The following DNAH17 variants were observed in gnomAD, a reference collection of about 807,000 sequenced individuals.
The protein encoded by DNAH17 is dynein axonemal heavy chain 17.
A neutral mutation model predicts 485.6 loss-of-function variants in DNAH17; 376 were observed. The observed-to-expected ratio is 0.77, with a 90% CI of 0.71 to 0.84. The LOEUF (loss-of-function observed/expected upper bound fraction) is 0.84. Ranked by LOEUF, DNAH17 falls within the 40% of genes least tolerant of loss-of-function variation. The pLI is 0.00. For missense variants in DNAH17, 6,370 were observed against 5,839.3 expected, an observed-to-expected ratio of 1.09 and a Z score of -2.96; for synonymous variants, 3,031 against 2,405.9, an observed-to-expected ratio of 1.26 and a Z score of -7.60.
intron 62 of DNAH17, among the ~76,000 whole-genome samples, chr17:78,457,390 AAAAC>A (rs1422119009): frequency 2.1e-5 from 3 of 143,542 alleles, no homozygotes; most frequent in African/African-American, 7.5e-5. Flanking sequence ...AAAACAAAAC[AAAAC>A]AAAAAAACAA....
At chr17:78,502,440 C>CA in intron 33 of DNAH17, 151 bp downstream of exon 33, 1 of 664,152 alleles carries the variant, frequency 1.5e-6, no homozygotes, top group East Asian at 2.9e-5. Context: ...TGTTATTTGG[C>CA]CTGTGGAAAC....
rs761965870 is a variant in DNAH17 at position 78,434,170 on chromosome 17, G to C, written c.12084C>G (p.Phe4028Leu). The C allele has an allele frequency of 6.2e-7, 1 of 1,613,370 alleles. No individual in the cohort carries two copies. Among genetic ancestry groups the C allele is most frequent in the African/African-American group, 1.3e-5 (1 of 74,936 alleles). ...TKEMEFKCML[F>L]ALCYFHAVVA... ...CCACAGCGTGGAAGTAGCACAGGGC[G>C]AAGAGCATGCACTTGAACTCCATCT... is the stretch of plus-strand genomic sequence containing the variant. The change falls in exon 75 of 81, where the codon TTC (phenylalanine) becomes TTG (leucine). Residue 4028 changes from phenylalanine (F) to leucine (L), a missense_variant. By Grantham distance (22) the Phe-to-Leu change is conservative. Transcript: ENST00000389840.
At chr17:78,527,553 C>T (rs1302136826) in intron 22 of DNAH17, among the ~76,000 whole-genome samples, 1 of 152,078 alleles carries the variant, frequency 6.6e-6, no homozygotes, top group Non-Finnish European at 1.5e-5. Flanking sequence ...TTTTATCCCA[C>T]GTATGGATTT....
rs751614400 is a variant in DNAH17 at position 78,460,251 on chromosome 17, T to C, written c.9346A>G (p.Thr3116Ala). The change falls in exon 59 of 81, where the codon ACT becomes GCT. Residue 3116 changes from threonine (T) to alanine (A), a missense_variant. Transcript: ENST00000389840. ...VKVEVINKNV[T>A]EKQKACETDL... is the part of the protein sequence containing the mutation. ...GTTTCACAGGCCTTTTGCTTCTCAG[T>C]GACGTTCTGGAAGGAAGATGGACAG... 2 of 1,598,944 alleles carry C rather than the reference T, an allele frequency of 1.3e-6. No individual in the cohort carries two copies. The highest frequency in any genetic ancestry group is 1.7e-6 in the Non-Finnish European group (2 of 1,171,958).
At chr17:78,540,503 GTGGGTGAC>G (rs1323221961) in intron 17 of DNAH17, among the ~76,000 whole-genome samples, 2 of 40,540 alleles carry the variant, frequency 4.9e-5, no homozygotes, top group African/African-American at 1.1e-4. Context: ...GGATGGGTGG[GTGGGTGAC>G]TGGGTGGGTG....
At chr17:78,429,412 CCTT>C in intron 75 of DNAH17, 112 bp from the exon 76 acceptor site, 2 of 1,172,658 alleles carry the variant, frequency 1.7e-6, no homozygotes, top group Non-Finnish European at 2.4e-6. Flanking sequence ...GGTGCTGTGT[CCTT>C]CTCGCCCTCC....
intron 16 of DNAH17, among the ~76,000 whole-genome samples, chr17:78,544,449 A>G (rs1442534192): frequency 6.6e-6 from 1 of 152,192 alleles, no homozygotes; most frequent in Admixed American, 6.5e-5. Context: ...AGGGTGGGAA[A>G]GGGTAGAGAG....
In DNAH17 at chr17:78,561,843, G is replaced by T. The variant is rs779373597; in HGVS notation, c.1707C>A (p.Ala569=). Residue 569 remains alanine, a synonymous_variant, in exon 12 of 81, where the codon GCC becomes GCA. Transcript: ENST00000389840. ...AKILYDAQMA[A]SEEGNIPLIH... ...TCAGGGGGATGTTCCCCTCCTCGGA[G>T]GCCGCCATCTGGGCATCGTACAAGA... The T allele has an allele frequency of 6.2e-7, 1 of 1,613,832 alleles. No individual in the cohort carries two copies. Among genetic ancestry groups the T allele is most frequent in the Non-Finnish European group, 8.5e-7 (1 of 1,179,882 alleles).
intron 54 of DNAH17, among the ~76,000 whole-genome samples, chr17:78,469,146 TTTTC>T (rs143424061): frequency 0.037 from 5,506 of 150,682 alleles, 304 homozygotes; most frequent in African/African-American, 0.12. Flanking sequence ...TTTTCTGTCT[TTTTC>T]TTTTTTTTTG....
At chr17:78,445,703 A>G (rs2087257044) in intron 69 of DNAH17, 23 bp from the exon 70 acceptor site, 5 of 1,586,512 alleles carry the variant, frequency 3.2e-6, no homozygotes, top group Non-Finnish European at 3.4e-6. Context: ...CGAGGTGTAC[A>G]CACTTAACGC....
intron 16 of DNAH17, among the ~76,000 whole-genome samples, chr17:78,545,422 T>C (rs1035031452): frequency 2.6e-5 from 4 of 152,170 alleles, no homozygotes; most frequent in African/African-American, 9.7e-5. Context: ...AAATCTGAGA[T>C]CAAGGTGCCG....
chr17:78,474,308 C>T lies in DNAH17; in HGVS notation c.8511+970G>A, dbSNP rs573186253. Among the ~76,000 whole-genome samples, 169 of 152,356 alleles carry T rather than the reference C, an allele frequency of 1.1e-3. 1 individual carries two copies. Among genetic ancestry groups the T allele is most frequent in the Non-Finnish European group, 1.9e-3 (132 of 68,028 alleles). On this transcript the variant is annotated intron_variant, in intron 54 of 80. Transcript: ENST00000389840. The stretch of plus-strand genomic sequence containing the variant: ...ACAGAGAAGGCATGGCCGTGTAGGA[C>T]GGCCCAATCGATTTCAGGTCTAATC...
intron 3 of DNAH17, 73 bp downstream of exon 3, chr17:78,572,628 G>A (rs2092375969): frequency 7.5e-6 from 10 of 1,341,194 alleles, no homozygotes; most frequent in Non-Finnish European, 1.0e-5. Context: ...GGGTGGAGTG[G>A]GGTGGGGGGT....
rs775351651 is a variant in DNAH17, at chr17:78,454,688, C to T, written c.10188G>A (p.Thr3396=). 1.3e-5 allele frequency: 21 copies of T among 1,612,188 alleles called. No homozygotes were observed. In the Middle Eastern group the frequency reaches 4.9e-4, roughly 38 times the overall value. ...GCAGGCTCAAGGGATCCAGGCCATTCGTGATCGGGATGGGGACCTGCCCAG... is the reference window on the plus strand; with the variant it reads ...GCAGGCTCAAGGGATCCAGGCCATTTGTGATCGGGATGGGGACCTGCCCAG... ...IHNLKVPIPI[T]NGLDPLSLLT... The change falls in exon 64 of 81, where the codon ACG becomes ACA. Residue 3396 remains threonine, a synonymous_variant. Transcript: ENST00000389840.
At chr17:78,484,756 A>ACCGCC (rs1200168937) in intron 48 of DNAH17, 112 bp downstream of exon 48, 3 of 242,582 alleles carry the variant, frequency 1.2e-5, no homozygotes, top group Admixed American at 1.5e-4. Context: ...CCACCGCCCC[A>ACCGCC]CACCAGTCCT....
chr17:78,441,244 G>A (rs976520498), intron 71 of DNAH17, 45 bp from the exon 72 acceptor site: 4 of 1,608,108 alleles, frequency 2.5e-6, no homozygotes, highest in Non-Finnish European at 3.4e-6. Context: ...GAGGCTCTGG[G>A]CCAGGGCGGG....
chr17:78,433,924 GGAAGGAGGGAGGGAAGGAGGGAGGGAA>G (rs2086769661), intron 75 of DNAH17, 78 bp downstream of exon 75: 7 of 765,794 alleles, frequency 9.1e-6, no homozygotes, highest in Non-Finnish European at 1.3e-5. Context: ...AGGGAGGGAA[GGAAGGAGGGAGGGAAGGAGGGAGGGAA>G]GGAGGGAGGG....
intron 17 of DNAH17, among the ~76,000 whole-genome samples, chr17:78,543,488 C>CA (rs1329145007): frequency 6.6e-6 from 1 of 151,264 alleles, no homozygotes; most frequent in East Asian, 2.0e-4. Flanking sequence ...GACGGGGTTT[C>CA]ACCTTGTTAG....
chr17:78,460,758 G>A (rs182573415), intron 58 of DNAH17, among the ~76,000 whole-genome samples: 7 of 152,272 alleles, frequency 4.6e-5, no homozygotes, highest in East Asian at 3.9e-4. Flanking sequence ...CACTGAGACC[G>A]CCTTGACTTT....
Sources: gnomAD v4.1 joint callset for allele counts (sites outside exome capture counted in the v4.1 genomes callset) on GRCh38, gnomAD v4.1.1 for gene constraint, MANE v1.5 for transcripts, NCBI Gene and HGNC (gene_info 2026-07-23, HGNC 2026-07-21) for gene names.